Variants in AKNAD1 observed in about 807,000 individuals in gnomAD.
The protein encoded by AKNAD1 is protein AKNAD1.
A neutral mutation model predicts 90.8 loss-of-function variants in AKNAD1; 67 were observed. The ratio of observed to expected loss-of-function variants is 0.74; its 90% CI spans 0.61 to 0.90. The LOEUF is 0.90. Among genes scored for constraint, AKNAD1 ranks in the 40% least tolerant of loss-of-function variants. The pLI, the probability that AKNAD1 is intolerant of heterozygous loss-of-function variation, is 0.00. For missense variants in AKNAD1, 957 were observed against 975.4 expected (o/e 0.98, Z 0.25); for synonymous variants, 327 against 341.4 (o/e 0.96, Z 0.46).
intron 3 of AKNAD1, 56 bp downstream of exon 3, chr1:108,849,481 A>G: frequency 1.7e-6 from 2 of 1,197,416 alleles, no homozygotes; most frequent in Middle Eastern, 1.9e-4. Context: ...CCTGTCTCAA[A>G]AAGACAAAAA....
rs764586366 is a variant in AKNAD1, at chr1:108,848,999, T to C, written c.1095A>G (p.Ser365=). 9.9e-6 allele frequency: 16 copies of C among 1,611,414 alleles called. No homozygotes were observed. The highest frequency in any genetic ancestry group is 1.3e-5 in the Non-Finnish European group (15 of 1,179,426). The change falls in exon 4 of 16, where the codon TCA becomes TCG. Residue 365 remains serine (S), a synonymous_variant. Coordinates refer to ENST00000370001, the MANE Select transcript of AKNAD1 (RefSeq NM_152763.5). ...TCTTTTGAAATATGTAAGAAGAACTTGAGGAAGTGCCTTTCTGAGAGGTTG... is the reference window on the plus strand; with the variant it reads ...TCTTTTGAAATATGTAAGAAGAACTCGAGGAAGTGCCTTTCTGAGAGGTTG... The part of the protein sequence containing the change: ...LSPTSQKGTS[S]SSSYIFQKIS...
intron 5 of AKNAD1, among the ~76,000 whole-genome samples, chr1:108,846,889 A>G (rs902508135): frequency 1.3e-5 from 2 of 151,782 alleles, no homozygotes; most frequent in Non-Finnish European, 2.9e-5. Flanking sequence ...TTCCACACCC[A>G]TTCTAAACGG....
intron 1 of AKNAD1, among the ~76,000 whole-genome samples, chr1:108,855,754 C>G (rs879853909): frequency 2.6e-5 from 4 of 151,880 alleles, no homozygotes; most frequent in African/African-American, 9.7e-5. Context: ...CCGCTGTACT[C>G]CAGCCTGAGC....
intron 13 of AKNAD1, among the ~76,000 whole-genome samples, chr1:108,821,584 G>A (rs1405498155): frequency 6.6e-6 from 1 of 152,196 alleles, no homozygotes; most frequent in Non-Finnish European, 1.5e-5. Flanking sequence ...CTGATAAATG[G>A]AGAAATAATA....
In AKNAD1 at chr1:108,852,677, C is replaced by G. The variant is rs372778223; in HGVS notation, c.-13G>C. The G allele has an allele frequency of 2.6e-5, 40 of 1,547,684 alleles. No individual in the cohort carries two copies. The South Asian group carries it at 3.9e-4, about 15-fold the overall frequency. ...CAGCCTCATCCATGTGTGTGCAGCC[C>G]GATCGCTCTCGTCCTCTGCCTCCTG... On this transcript the variant is annotated 5_prime_UTR_variant, in exon 2 of 16. Transcript: ENST00000370001.
chr1:108,825,893 G>T (rs1244578662), intron 11 of AKNAD1, among the ~76,000 whole-genome samples: 2 of 151,784 alleles, frequency 1.3e-5, no homozygotes, highest in African/African-American at 2.4e-5. Flanking sequence ...AATTTAGTGA[G>T]AAGAGTGGCA....
intron 15 of AKNAD1, among the ~76,000 whole-genome samples, chr1:108,816,507 A>G (rs550410981): frequency 3.9e-5 from 6 of 152,238 alleles, no homozygotes; most frequent in African/African-American, 1.2e-4. Flanking sequence ...ATTGAAAAAA[A>G]GACCAGCACG....
rs773751707 is a variant in AKNAD1 at position 108,834,530 on chromosome 1, T to A, written c.1665-2A>T. On this transcript the variant is annotated splice_acceptor_variant, in intron 8 of 15. Transcript: ENST00000370001. LOFTEE classifies it high-confidence loss of function. ...TCTCCATAATGACCGTTTAGGTAAC[T>A]AATTTAAAAAAAAAAAAAGCAGTTT... 1 of 1,473,158 alleles carries A rather than the reference T, an allele frequency of 6.8e-7. No individual in the cohort carries two copies. 91.3% of individuals were successfully genotyped at this position (1,473,158 alleles called of 1,614,324 possible).
At chr1:108,835,133 C>T in intron 7 of AKNAD1, 77 bp from the exon 8 acceptor site, 6 of 1,502,096 alleles carry the variant, frequency 4.0e-6, no homozygotes, top group Non-Finnish European at 5.3e-6. Context: ...TTCAGCATCC[C>T]TACAGCACCC....
chr1:108,830,499 G>T, intron 10 of AKNAD1, 60 bp downstream of exon 10: 1 of 1,534,730 alleles, frequency 6.5e-7, no homozygotes. Flanking sequence ...TCTCACTGGA[G>T]TTACTATGCC....
At chr1:108,854,116 C>G (rs1269551488) in intron 1 of AKNAD1, among the ~76,000 whole-genome samples, 5 of 152,104 alleles carry the variant, frequency 3.3e-5, no homozygotes, top group African/African-American at 1.2e-4. Context: ...TCTGGTGGTA[C>G]CAGACTCTTT....
At chr1:108,819,164 C>T (rs1416685832) in intron 14 of AKNAD1, among the ~76,000 whole-genome samples, 1 of 152,136 alleles carries the variant, frequency 6.6e-6, no homozygotes, top group Non-Finnish European at 1.5e-5. Context: ...CCATCTCCAC[C>T]ACCCTTGGTC....
intron 1 of AKNAD1, among the ~76,000 whole-genome samples, chr1:108,853,963 C>A (rs1474674367): frequency 6.6e-6 from 1 of 151,968 alleles, no homozygotes; most frequent in African/African-American, 2.4e-5. Flanking sequence ...GAAATGTGAC[C>A]AAGGGACAAA....
At chr1:108,856,718 T>TAAACA (rs1287589720) in intron 1 of AKNAD1, among the ~76,000 whole-genome samples, 213 of 142,916 alleles carry the variant, frequency 1.5e-3, no homozygotes, top group South Asian at 0.011. Context: ...TCTCTCTCTC[T>TAAACA]CACACACACA....
At position 108,827,252 on chromosome 1, in the gene AKNAD1, A is replaced by C; in HGVS notation, c.1889T>G (p.Phe630Cys). The change falls in exon 11 of 16, where the codon TTT (phenylalanine) becomes TGT (cysteine). Residue 630 changes from phenylalanine to cysteine, a missense_variant. Coordinates refer to ENST00000370001, the MANE Select transcript of AKNAD1 (RefSeq NM_152763.5). ...TGCCTTTTCATGAAGGACAATTGAAAATCTTCCACAGTTGATCCTTCCGTG... is the reference window on the plus strand; with the variant it reads ...TGCCTTTTCATGAAGGACAATTGAACATCTTCCACAGTTGATCCTTCCGTG... ...KGHGRINCGR[F>C]SIVLHEKAPH... 1 of 1,611,526 alleles carries C rather than the reference A, an allele frequency of 6.2e-7. No individual in the cohort carries two copies. The highest frequency in any genetic ancestry group is 8.5e-7 in the Non-Finnish European group (1 of 1,179,428).
chr1:108,857,335 A>C (rs1402937366), upstream of AKNAD1: 3 of 153,090 alleles, frequency 2.0e-5, no homozygotes, highest in Non-Finnish European at 4.4e-5. Flanking sequence ...TTTGATGCTG[A>C]AGTGCTAGCC....
At chr1:108,853,256 C>T (rs1361863432) in intron 1 of AKNAD1, among the ~76,000 whole-genome samples, 2 of 151,824 alleles carry the variant, frequency 1.3e-5, no homozygotes, top group South Asian at 2.1e-4. Context: ...CTCAGCCTCC[C>T]GAGCAGCCGG....
chr1:108,845,898 T>C (rs1664687700), intron 5 of AKNAD1, among the ~76,000 whole-genome samples: 1 of 152,090 alleles, frequency 6.6e-6, no homozygotes, highest in East Asian at 1.9e-4. Context: ...GCTGAGGCCA[T>C]GAGGAAGAAT....
At chr1:108,827,793 G>A (rs1365560429) in intron 10 of AKNAD1, among the ~76,000 whole-genome samples, 1 of 132,718 alleles carries the variant, frequency 7.5e-6, no homozygotes, top group Admixed American at 8.3e-5. Flanking sequence ...CAGCCTGGGT[G>A]ACAGAGCGAG....
Sources: gnomAD v4.1 joint callset for allele counts (sites outside exome capture counted in the v4.1 genomes callset) on GRCh38, gnomAD v4.1.1 for gene constraint, MANE v1.5 for transcripts, NCBI Gene and HGNC (gene_info 2026-07-23, HGNC 2026-07-21) for gene names.